Variants in PITPNC1 observed in about 807,000 individuals in gnomAD.
The protein encoded by PITPNC1 is cytoplasmic phosphatidylinositol transfer protein 1.
A neutral mutation model predicts 44.7 loss-of-function variants in PITPNC1; 18 were observed. The observed-to-expected ratio is 0.40, with a 90% CI of 0.28 to 0.60. PITPNC1 has a LOEUF of 0.60. PITPNC1 is among the 20% of genes least tolerant of loss of function. PITPNC1 has a pLI of 0.39. For missense variants in PITPNC1, 290 were observed against 418.4 expected (o/e 0.69, Z 2.68); for synonymous variants, 141 against 149.6 (o/e 0.94, Z 0.42).
intron 1 of PITPNC1, among the ~76,000 whole-genome samples, chr17:67,424,219 G>C (rs981598509): frequency 6.6e-6 from 1 of 152,118 alleles, no homozygotes; most frequent in African/African-American, 2.4e-5. Context: ...GACTTTCAAG[G>C]TGGAGGGAGA....
chr17:67,452,984 T>C (rs1300074019), intron 1 of PITPNC1, among the ~76,000 whole-genome samples: 1 of 152,200 alleles, frequency 6.6e-6, no homozygotes, highest in Non-Finnish European at 1.5e-5. Context: ...CACTGTGGTT[T>C]TACTTTGCAT....
chr17:67,468,740 A>G (rs2039467521), intron 1 of PITPNC1, among the ~76,000 whole-genome samples: 1 of 107,462 alleles, frequency 9.3e-6, no homozygotes, highest in Non-Finnish European at 1.7e-5. Flanking sequence ...TCTGTTGCCC[A>G]GGCTGGAGTG....
chr17:67,425,585 A>G (rs1372364230), intron 1 of PITPNC1, among the ~76,000 whole-genome samples: 4 of 149,920 alleles, frequency 2.7e-5, no homozygotes, highest in African/African-American at 7.4e-5. Flanking sequence ...GCAGTGGCGC[A>G]ATCATGCCTC....
chr17:67,590,554 TC>T (rs1260299331), intron 5 of PITPNC1, among the ~76,000 whole-genome samples: 1 of 152,202 alleles, frequency 6.6e-6, no homozygotes, highest in Non-Finnish European at 1.5e-5. Context: ...GTAGTAAACA[TC>T]ATTGAATGCT....
At chr17:67,424,913 T>C (rs911791699) in intron 1 of PITPNC1, among the ~76,000 whole-genome samples, 2 of 152,010 alleles carry the variant, frequency 1.3e-5, no homozygotes, top group African/African-American at 4.8e-5. Context: ...AAAATAGCCT[T>C]AACTGATGAC....
At position 67,416,890 on chromosome 17, in the gene PITPNC1, G is replaced by A. The variant is rs534517901; in HGVS notation, c.48+38688G>A. ...TGCAATGGCACAATCTCGGCTCACC[G>A]CAACCTCTGCCTCCCAGGTTCAAGC... On this transcript the variant is annotated intron_variant, in intron 1 of 8. Coordinates refer to ENST00000581322, the MANE Select transcript of PITPNC1 (RefSeq NM_012417.4). Among the ~76,000 whole-genome samples, 201 of 151,812 alleles carry A rather than the reference G, an allele frequency of 1.3e-3. 1 individual carries two copies. The highest frequency in any genetic ancestry group is 2.4e-3 in the Non-Finnish European group (160 of 67,956).
At chr17:67,507,405 G>C (rs2916146) in intron 1 of PITPNC1, among the ~76,000 whole-genome samples, 112,845 of 151,956 alleles carry the variant, frequency 0.74, 42,017 homozygotes, top group Middle Eastern at 0.83. Flanking sequence ...ATCTGTCTGG[G>C]CACGCATGGT....
chr17:67,624,474 C>T (rs879862927), intron 5 of PITPNC1, among the ~76,000 whole-genome samples: 13 of 149,978 alleles, frequency 8.7e-5, no homozygotes, highest in South Asian at 6.4e-4. Flanking sequence ...GCTGGGATTA[C>T]GGGTGTGAGC....
At chr17:67,659,606 G>C (rs1453764379) in intron 6 of PITPNC1, among the ~76,000 whole-genome samples, 1 of 152,182 alleles carries the variant, frequency 6.6e-6, no homozygotes, top group East Asian at 1.9e-4. Flanking sequence ...GATTCAAGGG[G>C]TGGGGAAATG....
chr17:67,497,273 G>A (rs754169860), intron 1 of PITPNC1, among the ~76,000 whole-genome samples: 23 of 150,182 alleles, frequency 1.5e-4, no homozygotes, highest in Non-Finnish European at 2.7e-4. Flanking sequence ...AGGCTGGAGT[G>A]CAATGGCGCA....
chr17:67,431,679 C>T (rs1256641303), intron 1 of PITPNC1, among the ~76,000 whole-genome samples: 2 of 152,096 alleles, frequency 1.3e-5, no homozygotes, highest in African/African-American at 4.8e-5. Context: ...TTTCTGTGGC[C>T]TTGAATACTA....
At chr17:67,536,976 G>T (rs146389825) in intron 2 of PITPNC1, among the ~76,000 whole-genome samples, 158 of 152,242 alleles carry the variant, frequency 1.0e-3, no homozygotes, top group African/African-American at 3.4e-3. Flanking sequence ...AACAACACTG[G>T]ATAATAACCA....
At chr17:67,672,140 G>A (rs1341171425) in intron 7 of PITPNC1, among the ~76,000 whole-genome samples, 1 of 151,830 alleles carries the variant, frequency 6.6e-6, no homozygotes, top group Non-Finnish European at 1.5e-5. Context: ...CACCATGTTA[G>A]CCAGGCCAGT....
In PITPNC1 at chr17:67,553,636, T is replaced by C. The variant is rs760872921; in HGVS notation, c.294+19T>C. The C allele has an allele frequency of 9.0e-6, 10 of 1,107,982 alleles. No homozygotes were observed. In the South Asian group the frequency reaches 1.6e-4, roughly 18 times the overall value. The allele number at this position is 1,107,982 out of a possible 1,614,324, so 68.6% of individuals were successfully genotyped here. On this transcript the variant is annotated intron_variant, in intron 4 of 8. Transcript: ENST00000581322. ...ATACACAGTAAGTTCCATTTAATTA[T>C]TTTTAAACATTCTGTCTATGATCAG... is the stretch of plus-strand genomic sequence containing the variant.
chr17:67,662,901 C>T (rs1334833990), intron 6 of PITPNC1, among the ~76,000 whole-genome samples: 1 of 152,148 alleles, frequency 6.6e-6, no homozygotes, highest in Non-Finnish European at 1.5e-5. Context: ...ACCCCATGGA[C>T]ATGATTTCAT....
chr17:67,509,872 C>T (rs942344539), intron 1 of PITPNC1, among the ~76,000 whole-genome samples: 1 of 152,124 alleles, frequency 6.6e-6, no homozygotes, highest in African/African-American at 2.4e-5. Flanking sequence ...TCTGAGCAAG[C>T]CTAATGACGT....
chr17:67,473,430 G>A (rs917823582), intron 1 of PITPNC1, among the ~76,000 whole-genome samples: 1 of 151,680 alleles, frequency 6.6e-6, no homozygotes, highest in African/African-American at 2.4e-5. Context: ...CTGGGTTCAC[G>A]CCATTCTCCT....
intron 1 of PITPNC1, among the ~76,000 whole-genome samples, chr17:67,425,705 T>G (rs1444915863): frequency 6.6e-6 from 1 of 151,598 alleles, no homozygotes; most frequent in African/African-American, 2.4e-5. Context: ...AAAAATTTTT[T>G]TTTTAAAGAG....
chr17:67,405,834 T>C (rs924389180), intron 1 of PITPNC1, among the ~76,000 whole-genome samples: 3 of 152,174 alleles, frequency 2.0e-5, no homozygotes, highest in African/African-American at 7.2e-5. Context: ...CTTGAACTCC[T>C]GAGCTCAGGT....
Sources: allele counts gnomAD v4.1 joint callset (sites outside exome capture counted in the v4.1 genomes callset), GRCh38; gene constraint gnomAD v4.1.1; transcripts MANE v1.5; gene names NCBI Gene and HGNC (gene_info 2026-07-23, HGNC 2026-07-21).